Variants in BSCL2 observed in about 807,000 individuals in gnomAD.
BSCL2 encodes the protein BSCL2 lipid droplet biogenesis associated, seipin, also known as seipin.
BSCL2 carries 41 observed loss-of-function variants against 57.4 expected under a neutral mutation model. That is an observed-to-expected ratio of 0.71 (90% CI 0.56 to 0.93). The LOEUF is 0.93. BSCL2 is among the 40% of genes least tolerant of loss of function. The pLI is 0.00. For synonymous variants in BSCL2, 237 were observed against 227.3 expected (o/e 1.04, Z -0.38); for missense variants, 539 against 586.7 (o/e 0.92, Z 0.84).
At chr11:62,706,261 G>T in intron 1 of BSCL2, 7 of 1,101,566 alleles carry the variant, frequency 6.4e-6, no homozygotes, top group South Asian at 2.1e-5. Context: ...CGACTCACCA[G>T]CCTCGCGCGC....
At chr11:62,693,381 G>A (rs1183701883) in intron 4 of BSCL2, among the ~76,000 whole-genome samples, 2 of 152,084 alleles carry the variant, frequency 1.3e-5, no homozygotes, top group African/African-American at 4.8e-5. Flanking sequence ...GTGAGCACCT[G>A]TAGTCCCAGC....
chr11:62,701,314 A>G (rs1945630877), intron 3 of BSCL2, among the ~76,000 whole-genome samples: 1 of 152,164 alleles, frequency 6.6e-6, no homozygotes, highest in South Asian at 2.1e-4. Flanking sequence ...TCAGTTTATG[A>G]TGGGGTTACA....
Position 62,705,069 on chromosome 11 carries a change from T to C in BSCL2, c.404+232A>G, listed in dbSNP as rs980399123. 2.9e-4 allele frequency among the ~76,000 whole-genome samples: 44 copies of C among 150,106 alleles called. 1 individual carries two copies. The highest frequency in any genetic ancestry group is 4.0e-4 in the Non-Finnish European group (27 of 67,736). On this transcript the variant is annotated intron_variant, in intron 2 of 10. Transcript: ENST00000360796. The stretch of plus-strand genomic sequence containing the variant: ...ATCCTCATAATGATAGAAGTGGATA[T>C]TTTTCCTTTTTTTTTTTTTTTTTTT...
intron 2 of BSCL2, 37 bp downstream of exon 2, chr11:62,705,264 A>G: frequency 6.4e-7 from 1 of 1,552,000 alleles, no homozygotes; most frequent in Non-Finnish European, 8.8e-7. Flanking sequence ...TACAATTCCC[A>G]TAGGAGTCCT....
intron 3 of BSCL2, 44 bp downstream of exon 3, chr11:62,702,424 T>C (rs1272673377): frequency 1.3e-6 from 2 of 1,534,214 alleles, no homozygotes; most frequent in Non-Finnish European, 1.8e-6. Context: ...CTATTTTGAG[T>C]CATCAAAGCT....
intron 3 of BSCL2, among the ~76,000 whole-genome samples, chr11:62,701,486 G>A (rs1945637120): frequency 6.6e-6 from 1 of 152,112 alleles, no homozygotes; most frequent in Admixed American, 6.6e-5. Flanking sequence ...CTAACACAAA[G>A]CCTATACTTA....
chr11:62,709,453 C>G, upstream of BSCL2: 1 of 453,290 alleles, frequency 2.2e-6, no homozygotes, highest in Non-Finnish European at 4.4e-6. Context: ...GTAAACAGGC[C>G]GAAGAGGGGG....
chr11:62,694,816 C>T lies in BSCL2; in HGVS notation c.487-105G>A, dbSNP rs965661235. On this transcript the variant is annotated intron_variant, in intron 3 of 10. Transcript: ENST00000360796. The stretch of plus-strand genomic sequence containing the variant: ...CCCCGCAACGCCCCCAAATACTCAG[C>T]CACAACCCTCTTGGGTAGCCTAACG... 6 of 1,356,632 alleles carry T rather than the reference C, an allele frequency of 4.4e-6. 1 individual carries two copies. The highest frequency in any genetic ancestry group is 6.1e-6 in the Non-Finnish European group (6 of 980,732). The allele number at this position is 1,356,632 out of a possible 1,614,324, so 84.0% of individuals were successfully genotyped here. A position where few individuals can be genotyped will look rare whatever the true frequency, so the allele number is the denominator to read the frequency against.
At chr11:62,696,925 C>G (rs1211650633) in intron 3 of BSCL2, among the ~76,000 whole-genome samples, 1 of 151,862 alleles carries the variant, frequency 6.6e-6, no homozygotes, top group Non-Finnish European at 1.5e-5. Flanking sequence ...GCAGTCCCAG[C>G]TGCTGAGGAG....
At chr11:62,700,159 T>C (rs1001197467) in intron 3 of BSCL2, among the ~76,000 whole-genome samples, 1 of 149,272 alleles carries the variant, frequency 6.7e-6, no homozygotes, top group Non-Finnish European at 1.5e-5. Context: ...GGAGATCACT[T>C]GAACCTGGGA....
chr11:62,706,503 G>T (rs2083541329), intron 1 of BSCL2: 2 of 416,150 alleles, frequency 4.8e-6, no homozygotes, highest in African/African-American at 4.1e-5. Context: ...GACCAAAGGG[G>T]AAAGACGCCT....
rs541733711 is a variant in BSCL2, at chr11:62,697,211, G to A, written c.487-2500C>T. 2.8e-3 allele frequency among the ~76,000 whole-genome samples: 422 copies of A among 151,284 alleles called. 4 individuals carry two copies. The highest frequency in any genetic ancestry group is 6.8e-3 in the Middle Eastern group (2 of 292). ...AGATCGAGACCATCCTGGCTAACAC[G>A]GTGAAACCCTGTCTCTACTGAAAAT... is the stretch of plus-strand genomic sequence containing the variant. On this transcript the variant is annotated intron_variant, in intron 3 of 10. Coordinates refer to ENST00000360796, the MANE Select transcript of BSCL2 (RefSeq NM_001122955.4).
At chr11:62,709,286 G>T (rs1427661341), upstream of BSCL2, 1 of 454,100 alleles carries the variant, frequency 2.2e-6, no homozygotes, top group East Asian at 6.9e-5. Flanking sequence ...GCCAATCAAT[G>T]CAGGCTAGAC....
Position 62,702,526 on chromosome 11 carries a change from G to T in BSCL2, c.428C>A (p.Thr143Asn). 1 of 1,612,590 alleles carries T rather than the reference G, an allele frequency of 6.2e-7. No homozygotes were observed. The change falls in exon 3 of 11, where the codon ACC (threonine) becomes AAC (asparagine). Residue 143 changes from threonine (T) to asparagine (N), a missense_variant. Physicochemically the swap from Thr to Asn is moderately conservative, Grantham distance 65. Coordinates refer to ENST00000360796, the MANE Select transcript of BSCL2 (RefSeq NM_001122955.4). Reference protein sequence around the residue: ...YYRTDCDSSTTSLCSFPVANV... With the variant: ...YYRTDCDSSTNSLCSFPVANV... ...GGCAACAGGGAAGGAGCAGAGTGAG[G>T]TGGTGGAGGAATCACAGTCGGTCCT...
Position 62,696,508 on chromosome 11 carries a change from T to C in BSCL2, c.487-1797A>G, listed in dbSNP as rs1274899873. Among the ~76,000 whole-genome samples, 9 of 151,992 alleles carry C rather than the reference T, an allele frequency of 5.9e-5. No homozygotes were observed. The East Asian group carries it at 1.7e-3, about 29-fold the overall frequency. ...TTTTTGGAGAGACAGGGGTCTTGCT[T>C]TGTTGCTCAGCCTATGAATTCTTCC... On this transcript the variant is annotated intron_variant, in intron 3 of 10. Transcript: ENST00000360796.
intron 3 of BSCL2, among the ~76,000 whole-genome samples, chr11:62,698,170 G>GGGA (rs1945530592): frequency 2.0e-5 from 3 of 151,340 alleles, no homozygotes; most frequent in African/African-American, 7.3e-5. Context: ...GCCTCCCAAA[G>GGGA]TGCTGGGATT....
Position 62,705,478 on chromosome 11 carries a change from C to A in BSCL2, c.227G>T (p.Trp76Leu), listed in dbSNP as rs776497908. The change falls in exon 2 of 11, where the codon TGG becomes TTG. Residue 76 changes from tryptophan (W) to leucine (L), a missense_variant. Physicochemically the swap from Trp to Leu is moderately conservative, Grantham distance 61. Coordinates refer to ENST00000360796, the MANE Select transcript of BSCL2 (RefSeq NM_001122955.4). Reference sequence around the variant, plus strand: ...CAAGACTTGGCCCACCTCCTGGGCCCACAGTAAGGCAGGTACTGGAGGGTC... The same window carrying A: ...CAAGACTTGGCCCACCTCCTGGGCCAACAGTAAGGCAGGTACTGGAGGGTC... The part of the protein sequence containing the change: ...VNDPPVPALL[W>L]AQEVGQVLAG... The A allele has an allele frequency of 1.2e-6, 2 of 1,614,220 alleles. No homozygotes were observed. The highest frequency in any genetic ancestry group is 1.7e-6 in the Non-Finnish European group (2 of 1,180,046).
chr11:62,703,884 C>T (rs1182904895), intron 2 of BSCL2, among the ~76,000 whole-genome samples: 31 of 151,112 alleles, frequency 2.1e-4, no homozygotes, highest in Admixed American at 2.0e-3. Context: ...CTTTGGGAGG[C>T]CAAGGGGGTG....
chr11:62,709,300 G>C (rs1025622274), upstream of BSCL2: 1 of 454,014 alleles, frequency 2.2e-6, no homozygotes, highest in Admixed American at 2.4e-5. Context: ...GCTAGACATC[G>C]TCAAGGATCG....
Sources: gnomAD v4.1 joint callset for allele counts (sites outside exome capture counted in the v4.1 genomes callset) on GRCh38, gnomAD v4.1.1 for gene constraint, MANE v1.5 for transcripts, NCBI Gene and HGNC (gene_info 2026-07-23, HGNC 2026-07-21) for gene names.